Variants in LYG1 observed in about 807,000 individuals in gnomAD.
LYG1 encodes the protein lysozyme g-like protein 1.
LYG1 carries 17 observed loss-of-function variants against 21.7 expected under a neutral mutation model. That is an observed-to-expected ratio of 0.78 (90% CI 0.54 to 1.18). The LOEUF (loss-of-function observed/expected upper bound fraction) is 1.18, where lower values mean the gene tolerates loss of function less well. Ranked by LOEUF, LYG1 falls within the 50% of genes most tolerant of loss-of-function variation. The probability of loss-of-function intolerance (pLI) is 0.00; values close to 1 mark genes in which losing one functional copy is unlikely to be tolerated. For synonymous variants in LYG1, 81 were observed against 87.4 expected (o/e 0.93, Z 0.41); for missense variants, 211 against 238.1 (o/e 0.89, Z 0.75).
In LYG1 at chr2:99,284,768, T is replaced by G. The variant is rs776137431; in HGVS notation, c.386A>C (p.Gln129Pro). 6.2e-7 allele frequency: 1 copy of G among 1,613,802 alleles called. No individual in the cohort carries two copies. Among genetic ancestry groups the G allele is most frequent in the African/African-American group, 1.3e-5 (1 of 75,028 alleles). Residue 129 changes from glutamine to proline, a missense_variant, in exon 6 of 7, where the codon CAG becomes CCG. By Grantham distance (76) the Gln-to-Pro change is moderately conservative. Coordinates refer to ENST00000308528, the MANE Select transcript of LYG1 (RefSeq NM_174898.3). ...TCTAGTAGTCAGAACTTCAGTTGTC[T>G]GGGAAACCTGAGACTCACTAATCCA... is the stretch of plus-strand genomic sequence containing the variant. The part of the protein sequence containing the change: ...TSWISESQVS[Q>P]TTEVLTTRIK...
intron 3 of LYG1, among the ~76,000 whole-genome samples, chr2:99,294,502 G>A (rs1307517815): frequency 8.1e-6 from 1 of 123,720 alleles, no homozygotes; most frequent in Non-Finnish European, 1.8e-5. Context: ...AATTAAACCA[G>A]CTGACAGGTT....
chr2:99,291,838 A>C (rs1035650574), intron 4 of LYG1, among the ~76,000 whole-genome samples: 2 of 152,238 alleles, frequency 1.3e-5, no homozygotes, highest in Non-Finnish European at 2.9e-5. Flanking sequence ...GTTCCTCAAC[A>C]AGTTTGTTCA....
intron 2 of LYG1, among the ~76,000 whole-genome samples, chr2:99,297,596 T>A (rs984675612): frequency 2.0e-5 from 3 of 152,242 alleles, no homozygotes; most frequent in African/African-American, 7.2e-5. Flanking sequence ...AAAGAGTCTA[T>A]GTAAATACAT....
intron 4 of LYG1, among the ~76,000 whole-genome samples, chr2:99,291,851 A>G (rs182365357): frequency 1.3e-5 from 2 of 152,342 alleles, no homozygotes; most frequent in East Asian, 3.9e-4. Flanking sequence ...TTTGTTCACA[A>G]TTGCACAGTT....
upstream of LYG1, among the ~76,000 whole-genome samples, chr2:99,301,525 T>G: frequency 3.8e-5 from 4 of 104,936 alleles, no homozygotes; most frequent in African/African-American, 6.9e-5. Flanking sequence ...AGGGAGGGAA[T>G]TGAACTTGGT....
chr2:99,301,285 A>C (rs2094153179), upstream of LYG1: 1 of 152,126 alleles, frequency 6.6e-6, no homozygotes, highest in Admixed American at 6.6e-5. Flanking sequence ...GCCATACCTC[A>C]GAAGGCAGAT....
In LYG1 at chr2:99,299,144, T is replaced by G. The variant is rs1223698419; in HGVS notation, c.-123-595A>C. 2.6e-5 allele frequency among the ~76,000 whole-genome samples: 4 copies of G among 151,512 alleles called. 1 individual carries two copies. The highest frequency in any genetic ancestry group is 6.4e-3 in the Middle Eastern group (2 of 312). On this transcript the variant is annotated intron_variant, in intron 1 of 6. Transcript: ENST00000308528. ...GTTTCACCATGTTGGCCAGGCTGGT[T>G]GAGAACTCCTGACCTCAGGTGATCC...
At chr2:99,298,893 TTTTTAA>T (rs2094145382) in intron 1 of LYG1, among the ~76,000 whole-genome samples, 1 of 152,168 alleles carries the variant, frequency 6.6e-6, no homozygotes, top group Non-Finnish European at 1.5e-5. Flanking sequence ...TTTTTTTAAT[TTTTTAA>T]TTTTAATTTT....
chr2:99,304,149 C>A (rs2094161174), upstream of LYG1, among the ~76,000 whole-genome samples: 1 of 150,862 alleles, frequency 6.6e-6, no homozygotes, highest in Non-Finnish European at 1.5e-5. Context: ...TGGCTCTGTC[C>A]CCACCAAAAT....
chr2:99,304,465 C>T (rs2094161649), upstream of LYG1, among the ~76,000 whole-genome samples: 1 of 152,148 alleles, frequency 6.6e-6, no homozygotes, highest in African/African-American at 2.4e-5. Flanking sequence ...ATGTCTTTAT[C>T]AGCAGCATGA....
chr2:99,286,521 T>G (rs2094100174), intron 5 of LYG1, among the ~76,000 whole-genome samples: 1 of 151,926 alleles, frequency 6.6e-6, no homozygotes, highest in Non-Finnish European at 1.5e-5. Flanking sequence ...CTGGCCAAAA[T>G]GGTGAAACCC....
chr2:99,301,970 G>A (rs144054958), upstream of LYG1, among the ~76,000 whole-genome samples: 7 of 152,266 alleles, frequency 4.6e-5, no homozygotes, highest in Non-Finnish European at 7.3e-5. Flanking sequence ...TTGTGGAAAG[G>A]GTGCATTTCA....
At chr2:99,298,971 G>A (rs749792064) in intron 1 of LYG1, among the ~76,000 whole-genome samples, 3 of 151,092 alleles carry the variant, frequency 2.0e-5, no homozygotes, top group African/African-American at 4.9e-5. Context: ...TCACTCTGTC[G>A]CCCAGGCTGG....
intron 5 of LYG1, among the ~76,000 whole-genome samples, chr2:99,285,285 C>T (rs2094095636): frequency 6.6e-6 from 1 of 151,648 alleles, no homozygotes. Context: ...TCACCTGAGC[C>T]TAAGAGGATC....
rs187247109 is a variant in LYG1, at chr2:99,284,684, G to A, written c.466+4C>T. The A allele has an allele frequency of 5.0e-6, 8 of 1,613,678 alleles. No individual in the cohort carries two copies. Among genetic ancestry groups the A allele is most frequent in the South Asian group, 1.1e-5 (1 of 91,048 alleles). On this transcript the variant is annotated splice_donor_region_variant and intron_variant, in intron 6 of 6. Coordinates refer to ENST00000308528, the MANE Select transcript of LYG1 (RefSeq NM_174898.3). ...AGACAACTGACTGATAGCGTTACAC[G>A]TACCTCTCAGGTACTGGTCAGGGGT...
At chr2:99,284,541 C>A (rs2094091440) in intron 6 of LYG1, 30 bp from the exon 7 acceptor site, 4 of 1,605,886 alleles carry the variant, frequency 2.5e-6, no homozygotes, top group Non-Finnish European at 3.4e-6. Flanking sequence ...TTAATGCTGA[C>A]CTAGGGTACT....
At chr2:99,284,600 T>C in intron 6 of LYG1, 88 bp downstream of exon 6, 6 of 1,592,716 alleles carry the variant, frequency 3.8e-6, no homozygotes, top group Non-Finnish European at 5.1e-6. Flanking sequence ...AGGAGGCAGC[T>C]GGAGTTTCGG....
chr2:99,299,531 T>C (rs1010793930), intron 1 of LYG1, among the ~76,000 whole-genome samples: 7 of 151,272 alleles, frequency 4.6e-5, no homozygotes, highest in African/African-American at 1.7e-4. Flanking sequence ...CTCAGGTGAT[T>C]CTCCTGCCTC....
At chr2:99,291,173 C>CA (rs2094116847) in intron 5 of LYG1, 64 bp downstream of exon 5, 2 of 1,522,560 alleles carry the variant, frequency 1.3e-6, no homozygotes. Context: ...TGCCATCATC[C>CA]AAAAAACAAA....
Sources: allele counts gnomAD v4.1 joint callset (sites outside exome capture counted in the v4.1 genomes callset), GRCh38; gene constraint gnomAD v4.1.1; transcripts MANE v1.5; gene names NCBI Gene and HGNC (gene_info 2026-07-23, HGNC 2026-07-21).